Variants in HMGA2 observed in about 807,000 individuals in gnomAD.
HMGA2 encodes the protein high mobility group protein HMGI-C.
Under a neutral mutation model 19.1 loss-of-function variants are expected in HMGA2, and 8 were observed. That is an observed-to-expected ratio of 0.42 (90% CI 0.25 to 0.76). The LOEUF (loss-of-function observed/expected upper bound fraction) is 0.76. HMGA2 is among the 30% of genes least tolerant of loss of function. HMGA2 has a pLI of 0.28. For synonymous variants in HMGA2, 60 were observed against 48.8 expected (o/e 1.23, Z -0.96); for missense variants, 109 against 136.3 (o/e 0.80, Z 1.00).
chr12:65,847,983 A>T (rs1443113390), intron 3 of HMGA2, among the ~76,000 whole-genome samples: 1 of 152,198 alleles, frequency 6.6e-6, no homozygotes, highest in Non-Finnish European at 1.5e-5. Flanking sequence ...GGTTTTTTTT[A>T]AAAAGCACAA....
chr12:65,934,420 T>G (rs1875822520), intron 3 of HMGA2, among the ~76,000 whole-genome samples: 2 of 152,234 alleles, frequency 1.3e-5, no homozygotes, highest in African/African-American at 4.8e-5. Flanking sequence ...ATACTGGAAT[T>G]CATGCTGTAG....
intron 3 of HMGA2, among the ~76,000 whole-genome samples, chr12:65,930,961 G>A (rs1039823499): frequency 6.6e-6 from 1 of 152,072 alleles, no homozygotes; most frequent in African/African-American, 2.4e-5. Flanking sequence ...AAAAAGGAAG[G>A]AAAAAATGTA....
chr12:65,906,976 T>G (rs1874619546), intron 3 of HMGA2, among the ~76,000 whole-genome samples: 1 of 152,148 alleles, frequency 6.6e-6, no homozygotes, highest in African/African-American at 2.4e-5. Flanking sequence ...ATGGGTTTCT[T>G]TTCCAATTAC....
At chr12:65,830,166 T>C (rs376534385) in intron 2 of HMGA2, among the ~76,000 whole-genome samples, 1 of 152,000 alleles carries the variant, frequency 6.6e-6, no homozygotes, top group Non-Finnish European at 1.5e-5. Context: ...TTACGCTTCA[T>C]CTGGAGAAGA....
intron 3 of HMGA2, among the ~76,000 whole-genome samples, chr12:65,852,338 GA>G (rs1871517289): frequency 6.6e-6 from 1 of 151,686 alleles, no homozygotes; most frequent in South Asian, 2.1e-4. Context: ...CTCTACTAAA[GA>G]AAAAAATACA....
At position 65,936,839 on chromosome 12, in the gene HMGA2, C is replaced by A. The variant is rs918320606; in HGVS notation, c.250-14544C>A. 2.0e-5 allele frequency among the ~76,000 whole-genome samples: 3 copies of A among 152,188 alleles called. No individual in the cohort carries two copies. The South Asian group carries it at 6.2e-4, about 32-fold the overall frequency. ...AATTGCTACCAGGTCACACAGCTTA[C>A]GCATACCTGGTCTCATACTTGATCT... On this transcript the variant is annotated intron_variant, in intron 3 of 4. Coordinates refer to ENST00000403681, the MANE Select transcript of HMGA2 (RefSeq NM_003483.6).
At chr12:65,872,975 C>T (rs1872783977) in intron 3 of HMGA2, among the ~76,000 whole-genome samples, 1 of 152,184 alleles carries the variant, frequency 6.6e-6, no homozygotes, top group African/African-American at 2.4e-5. Flanking sequence ...TCTTTCACAT[C>T]TGTGCTCTGG....
At chr12:65,877,779 T>G (rs909188415) in intron 3 of HMGA2, among the ~76,000 whole-genome samples, 5 of 150,518 alleles carry the variant, frequency 3.3e-5, no homozygotes, top group African/African-American at 1.2e-4. Flanking sequence ...CCTGCCTGGT[T>G]TTTTTTTTAG....
intron 3 of HMGA2, chr12:65,915,562 T>C (rs1276659767): frequency 9.2e-7 from 1 of 1,087,334 alleles, no homozygotes; most frequent in African/African-American, 1.6e-5. Flanking sequence ...CCATGTAATA[T>C]CACATGACTT....
intron 3 of HMGA2, among the ~76,000 whole-genome samples, chr12:65,849,844 G>C (rs571660898): frequency 1.4e-5 from 2 of 147,964 alleles, no homozygotes; most frequent in African/African-American, 5.0e-5. Flanking sequence ...ACAGCCTCTC[G>C]AGTAGCTGGG....
At position 65,963,999 on chromosome 12, in the gene HMGA2, T is replaced by C. The variant is rs1346646999; in HGVS notation, c.*707T>C. 4.8e-6 allele frequency: 1 copy of C among 208,772 alleles called. No homozygotes were observed. Among genetic ancestry groups the C allele is most frequent in the Non-Finnish European group, 9.8e-6 (1 of 102,436 alleles). 12.9% of individuals were successfully genotyped at this position (208,772 alleles called of 1,614,324 possible). On this transcript the variant is annotated 3_prime_UTR_variant, in exon 5 of 5. Transcript: ENST00000403681. ...CAAATATTGCCAACTCTTCTATTTA[T>C]GGATATCACACATATCAGCAGGAGT... is the stretch of plus-strand genomic sequence containing the variant.
chr12:65,870,203 A>C (rs990802110), intron 3 of HMGA2, among the ~76,000 whole-genome samples: 6 of 152,104 alleles, frequency 3.9e-5, no homozygotes, highest in Admixed American at 2.0e-4. Context: ...TTTATTTTTG[A>C]ATTTCAACTA....
chr12:65,907,264 G>A (rs1382452304), intron 3 of HMGA2, among the ~76,000 whole-genome samples: 1 of 151,996 alleles, frequency 6.6e-6, no homozygotes, highest in Non-Finnish European at 1.5e-5. Flanking sequence ...ACAAAAATGA[G>A]CCAGGTGTGG....
At position 65,855,450 on chromosome 12, in the gene HMGA2, T is replaced by TCACACACACA. The variant is rs1315312278; in HGVS notation, c.249+16882_249+16883insACACACACAC. On this transcript the variant is annotated intron_variant, in intron 3 of 4. Transcript: ENST00000403681. Reference sequence around the variant, plus strand: ...CCCTCTCTTTCTCTTTCTCTCTCTCTCTCTCTCTCACACACACACACACAC... The same window carrying TCACACACACA: ...CCCTCTCTTTCTCTTTCTCTCTCTCTCACACACACACTCTCTCTCACACACACACACACAC... 1.3e-3 allele frequency among the ~76,000 whole-genome samples: 136 copies of TCACACACACA among 106,132 alleles called. 1 individual carries two copies. Among genetic ancestry groups the TCACACACACA allele is most frequent in the African/African-American group, 4.6e-3 (125 of 26,932 alleles). The allele number at this position is 106,132 out of a possible 152,430, so 69.6% of individuals were successfully genotyped here.
At chr12:65,876,493 A>C (rs1873036998) in intron 3 of HMGA2, among the ~76,000 whole-genome samples, 1 of 152,220 alleles carries the variant, frequency 6.6e-6, no homozygotes, top group African/African-American at 2.4e-5. Flanking sequence ...CCTAATCTTA[A>C]TATGTACACA....
At chr12:65,878,043 T>A (rs1873145359) in intron 3 of HMGA2, among the ~76,000 whole-genome samples, 1 of 152,176 alleles carries the variant, frequency 6.6e-6, no homozygotes, top group Non-Finnish European at 1.5e-5. Flanking sequence ...GGGTGAGGTG[T>A]CCTGGGGAGT....
chr12:65,881,343 T>C, intron 3 of HMGA2: 1 of 198,302 alleles, frequency 5.0e-6, no homozygotes, highest in South Asian at 1.1e-4. Context: ...GCTGTTTGTA[T>C]CTCCAGAATG....
intron 3 of HMGA2, among the ~76,000 whole-genome samples, chr12:65,942,485 T>A (rs1364886986): frequency 2.0e-5 from 3 of 152,172 alleles, no homozygotes; most frequent in African/African-American, 7.2e-5. Flanking sequence ...GAAATAGGAC[T>A]GAAACATTCA....
At chr12:65,923,412 A>G (rs1875390566) in intron 3 of HMGA2, among the ~76,000 whole-genome samples, 1 of 152,130 alleles carries the variant, frequency 6.6e-6, no homozygotes, top group Non-Finnish European at 1.5e-5. Context: ...ATGAAGGAAC[A>G]CTCACCACCC....
Sources: allele counts gnomAD v4.1 joint callset (sites outside exome capture counted in the v4.1 genomes callset), GRCh38; gene constraint gnomAD v4.1.1; transcripts MANE v1.5; gene names NCBI Gene and HGNC (gene_info 2026-07-23, HGNC 2026-07-21).